CFDP1: variants seen among roughly 807,000 people sequenced by gnomAD.
CFDP1 encodes the protein heterochromatin-stabilizing protein CFDP1.
In CFDP1, 31 loss-of-function variants were observed where a neutral mutation model predicts 40.1. The observed-to-expected ratio is 0.77, with a 90% CI of 0.58 to 1.04. The LOEUF is 1.04. CFDP1 is among the 50% of genes least tolerant of loss of function. The pLI, the probability that CFDP1 is intolerant of heterozygous loss-of-function variation, is 0.00. For synonymous variants in CFDP1, 167 were observed against 120.0 expected, an observed-to-expected ratio of 1.39 and a Z score of -2.56; for missense variants, 423 against 343.4, an observed-to-expected ratio of 1.23 and a Z score of -1.83.
rs138432674 is a variant in CFDP1 at position 75,314,815 on chromosome 16, G to A, written c.651-9633C>T. 6.6e-5 allele frequency among the ~76,000 whole-genome samples: 10 copies of A among 152,224 alleles called. 1 individual carries two copies. The South Asian group carries it at 1.7e-3, about 25-fold the overall frequency. On this transcript the variant is annotated intron_variant, in intron 5 of 6. Coordinates refer to ENST00000283882, the MANE Select transcript of CFDP1 (RefSeq NM_006324.3). ...CACCCAGGCTGGAGTGCAGTGGCGC[G>A]ATCTCAGGTCACTGCCAACGCTGCC...
intron 6 of CFDP1, among the ~76,000 whole-genome samples, chr16:75,297,316 G>A (rs993364824): frequency 2.0e-4 from 30 of 152,036 alleles, no homozygotes; most frequent in Admixed American, 8.5e-4. Context: ...CACTCTGCCC[G>A]GTCTTGCTTC....
At chr16:75,364,517 G>A (rs2078700894) in intron 5 of CFDP1, among the ~76,000 whole-genome samples, 1 of 152,134 alleles carries the variant, frequency 6.6e-6, no homozygotes, top group South Asian at 2.1e-4. Context: ...GTCACAAGTG[G>A]ATTTTTCCAG....
intron 5 of CFDP1, among the ~76,000 whole-genome samples, chr16:75,371,584 T>C (rs1157349105): frequency 3.9e-5 from 6 of 152,208 alleles, no homozygotes; most frequent in African/African-American, 7.2e-5. Flanking sequence ...GGCTCTTTTC[T>C]AAAAACAGGT....
chr16:75,416,063 G>T (rs550207312), intron 1 of CFDP1, among the ~76,000 whole-genome samples: 1 of 152,184 alleles, frequency 6.6e-6, no homozygotes, highest in East Asian at 1.9e-4. Flanking sequence ...ATGTTGGCCA[G>T]GCTGGTTTTG....
intron 5 of CFDP1, among the ~76,000 whole-genome samples, chr16:75,320,524 G>C (rs2151509466): frequency 6.6e-6 from 1 of 152,228 alleles, no homozygotes; most frequent in South Asian, 2.1e-4. Flanking sequence ...CTGTGTATTA[G>C]CCATTTGCTT....
At chr16:75,398,990 G>C (rs2079023720) in intron 4 of CFDP1, among the ~76,000 whole-genome samples, 1 of 151,258 alleles carries the variant, frequency 6.6e-6, no homozygotes, top group South Asian at 2.1e-4. Context: ...CCGGGAGGTG[G>C]AGCTTGCAGT....
At chr16:75,310,383 C>T (rs1358050583) in intron 5 of CFDP1, among the ~76,000 whole-genome samples, 1 of 152,112 alleles carries the variant, frequency 6.6e-6, no homozygotes, top group Non-Finnish European at 1.5e-5. Context: ...ATCATAACAC[C>T]AGACACCAAC....
At chr16:75,428,171 T>G (rs1160693167) in intron 1 of CFDP1, among the ~76,000 whole-genome samples, 1 of 151,746 alleles carries the variant, frequency 6.6e-6, no homozygotes, top group Admixed American at 6.6e-5. Flanking sequence ...CTTGAAACTG[T>G]TCATTTTGGT....
intron 4 of CFDP1, among the ~76,000 whole-genome samples, chr16:75,397,932 C>A (rs11149824): frequency 6.6e-6 from 1 of 152,098 alleles, no homozygotes; most frequent in African/African-American, 2.4e-5. Flanking sequence ...CTGAGAGGAA[C>A]AGAAGCTTAA....
chr16:75,406,939 T>A (rs1039022575), intron 4 of CFDP1, among the ~76,000 whole-genome samples: 1 of 152,220 alleles, frequency 6.6e-6, no homozygotes, highest in Non-Finnish European at 1.5e-5. Flanking sequence ...GAGAATCGCC[T>A]GAACCTGGGA....
rs142503029 is a variant in CFDP1 at position 75,360,194 on chromosome 16, C to A, written c.650+34896G>T. 2.1e-4 allele frequency among the ~76,000 whole-genome samples: 32 copies of A among 152,202 alleles called. No individual in the cohort carries two copies. In the East Asian group the frequency reaches 6.2e-3, roughly 29 times the overall value. On this transcript the variant is annotated intron_variant, in intron 5 of 6. Coordinates refer to ENST00000283882, the MANE Select transcript of CFDP1 (RefSeq NM_006324.3). ...CAGGCATGAGCCACTGCGCCCAGCC[C>A]AGATTTTGGTTTCTAATATTACTTT...
At chr16:75,303,507 C>CCCCG (rs1555552241) in intron 6 of CFDP1, among the ~76,000 whole-genome samples, 1 of 144,738 alleles carries the variant, frequency 6.9e-6, no homozygotes, top group Admixed American at 7.1e-5. Context: ...AATATGACCC[C>CCCCG]CCCCAATAAA....
At chr16:75,377,105 T>C (rs1353129434) in intron 5 of CFDP1, among the ~76,000 whole-genome samples, 3 of 151,414 alleles carry the variant, frequency 2.0e-5, no homozygotes, top group African/African-American at 7.4e-5. Flanking sequence ...GCCAAGACCC[T>C]CCAGGGCTAA....
intron 5 of CFDP1, among the ~76,000 whole-genome samples, chr16:75,359,650 T>G (rs914949009): frequency 6.6e-6 from 1 of 152,112 alleles, no homozygotes; most frequent in African/African-American, 2.4e-5. Context: ...CATGATCACC[T>G]CCACCTTGCA....
chr16:75,302,383 C>T (rs1162795509), intron 6 of CFDP1, among the ~76,000 whole-genome samples: 1 of 152,198 alleles, frequency 6.6e-6, no homozygotes, highest in Non-Finnish European at 1.5e-5. Flanking sequence ...ACTTCAGCCT[C>T]CCAAGTAACT....
chr16:75,397,068 C>A (rs1415669201), intron 4 of CFDP1, among the ~76,000 whole-genome samples: 1 of 152,026 alleles, frequency 6.6e-6, no homozygotes, highest in East Asian at 2.0e-4. Context: ...TGCCCGCCAC[C>A]ACGCCCAGCT....
At chr16:75,432,725 G>T (rs995025188) in intron 1 of CFDP1, among the ~76,000 whole-genome samples, 6 of 152,186 alleles carry the variant, frequency 3.9e-5, no homozygotes, top group African/African-American at 1.4e-4. Flanking sequence ...GGAACAGAAA[G>T]ATTTCTTCAG....
chr16:75,431,773 G>A (rs1021078499), intron 1 of CFDP1, among the ~76,000 whole-genome samples: 4 of 152,302 alleles, frequency 2.6e-5, no homozygotes, highest in African/African-American at 7.2e-5. Flanking sequence ...GAGGTCAGGG[G>A]CTACTAAAAA....
intron 6 of CFDP1, 40 bp from the exon 7 acceptor site, chr16:75,294,082 G>A (rs373309499): frequency 7.3e-6 from 11 of 1,497,386 alleles, no homozygotes; most frequent in South Asian, 1.1e-5. Context: ...GAATCCAGTA[G>A]GAAAAACTCC....
Sources: gnomAD v4.1 joint callset for allele counts (sites outside exome capture counted in the v4.1 genomes callset) on GRCh38, gnomAD v4.1.1 for gene constraint, MANE v1.5 for transcripts, NCBI Gene and HGNC (gene_info 2026-07-23, HGNC 2026-07-21) for gene names.